The following NAV3 variants were observed in gnomAD, a reference collection of about 807,000 sequenced individuals.
NAV3 encodes the protein pore membrane and/or filament interacting like protein 1.
NAV3 carries 87 observed loss-of-function variants against 244.7 expected under a neutral mutation model. The ratio of observed to expected loss-of-function variants is 0.36; its 90% CI spans 0.30 to 0.42. The LOEUF is 0.42. NAV3 is among the 20% of genes least tolerant of loss of function. The pLI is 1.00. For synonymous variants in NAV3, 1,126 were observed against 1,042.2 expected, an observed-to-expected ratio of 1.08 and a Z score of -1.55; for missense variants, 2,663 against 2,893.3, an observed-to-expected ratio of 0.92 and a Z score of 1.83.
intron 1 of NAV3, among the ~76,000 whole-genome samples, chr12:77,846,973 G>A (rs1380462910): frequency 6.6e-6 from 1 of 152,058 alleles, no homozygotes; most frequent in Non-Finnish European, 1.5e-5. Flanking sequence ...TTCATCATCA[G>A]GAAATTTCCA....
At chr12:78,036,445 G>C (rs1313206151) in intron 9 of NAV3, 3 of 163,012 alleles carry the variant, frequency 1.8e-5, no homozygotes, top group Non-Finnish European at 4.1e-5. Flanking sequence ...AAAAAAAAAA[G>C]CAAAAAGCAA....
intron 2 of NAV3, among the ~76,000 whole-genome samples, chr12:77,740,960 T>C (rs1176611828): frequency 6.6e-6 from 1 of 151,816 alleles, no homozygotes; most frequent in Admixed American, 6.6e-5. Context: ...GTGAGTACTT[T>C]AGCAGAGGTG....
intron 2 of NAV3, among the ~76,000 whole-genome samples, chr12:77,638,039 T>C (rs1361836323): frequency 6.6e-6 from 1 of 152,216 alleles, no homozygotes; most frequent in Non-Finnish European, 1.5e-5. Flanking sequence ...TGCCATCTTA[T>C]TTGTGCACTA....
At chr12:77,655,537 A>G (rs1411981327) in intron 2 of NAV3, among the ~76,000 whole-genome samples, 1 of 152,238 alleles carries the variant, frequency 6.6e-6, no homozygotes, top group Non-Finnish European at 1.5e-5. Flanking sequence ...AATGTGCAGG[A>G]TATTATCCAG....
intron 36 of NAV3, 93 bp downstream of exon 36, chr12:78,198,769 T>G (rs1959271611): frequency 2.3e-6 from 2 of 882,364 alleles, no homozygotes; most frequent in Non-Finnish European, 3.6e-6. Context: ...TCCTGTTTGT[T>G]TTTGTGGTTT....
intron 20 of NAV3, among the ~76,000 whole-genome samples, chr12:78,142,673 A>G (rs533161012): frequency 2.7e-5 from 3 of 109,254 alleles, no homozygotes; most frequent in Non-Finnish European, 5.6e-5. Context: ...ATATATATAC[A>G]TATATATGTG....
intron 2 of NAV3, among the ~76,000 whole-genome samples, chr12:77,754,455 C>T (rs1869023787): frequency 1.3e-5 from 2 of 152,170 alleles, no homozygotes; most frequent in Admixed American, 6.6e-5. Context: ...ACCTTCATTG[C>T]TCCTGAAGGA....
chr12:77,985,216 A>G (rs1347266081), intron 5 of NAV3, among the ~76,000 whole-genome samples: 2 of 152,336 alleles, frequency 1.3e-5, no homozygotes, highest in African/African-American at 4.8e-5. Flanking sequence ...AAATTTTTCC[A>G]AATTAAATCT....
At chr12:77,849,167 T>G (rs1246012100) in intron 1 of NAV3, among the ~76,000 whole-genome samples, 1 of 152,210 alleles carries the variant, frequency 6.6e-6, no homozygotes, top group African/African-American at 2.4e-5. Context: ...AAACTTTCTT[T>G]AATGAGAAAC....
At chr12:77,631,040 G>C (rs1454425778) in intron 2 of NAV3, among the ~76,000 whole-genome samples, 1 of 152,172 alleles carries the variant, frequency 6.6e-6, no homozygotes, top group African/African-American at 2.4e-5. Context: ...ATAAGTTTCT[G>C]TGTTTAAGGA....
intron 2 of NAV3, among the ~76,000 whole-genome samples, chr12:77,674,029 T>A (rs1433357768): frequency 6.7e-6 from 1 of 150,340 alleles, no homozygotes; most frequent in African/African-American, 2.5e-5. Flanking sequence ...GGTCATGAAA[T>A]GAACCATCAT....
chr12:77,872,606 C>T (rs893796522), intron 1 of NAV3, among the ~76,000 whole-genome samples: 1 of 152,018 alleles, frequency 6.6e-6, no homozygotes, highest in African/African-American at 2.4e-5. Context: ...CATGGCAATC[C>T]CAGGGAATCA....
intron 1 of NAV3, among the ~76,000 whole-genome samples, chr12:77,936,157 C>A: frequency 6.6e-6 from 1 of 152,160 alleles, no homozygotes; most frequent in East Asian, 1.9e-4. Context: ...GTGAATTGTT[C>A]CTCAAAGAAT....
intron 1 of NAV3, among the ~76,000 whole-genome samples, chr12:77,918,827 T>A (rs745856956): frequency 3.9e-5 from 6 of 152,062 alleles, no homozygotes; most frequent in Non-Finnish European, 8.8e-5. Context: ...TTCCAGGGTC[T>A]GCTTGTATCA....
At chr12:78,084,167 A>G (rs1245866079) in intron 12 of NAV3, among the ~76,000 whole-genome samples, 1 of 152,198 alleles carries the variant, frequency 6.6e-6, no homozygotes, top group Non-Finnish European at 1.5e-5. Context: ...CAAATAATTC[A>G]CAACTATTCT....
intron 2 of NAV3, among the ~76,000 whole-genome samples, chr12:77,619,657 A>G (rs562314630): frequency 6.5e-4 from 99 of 152,242 alleles, no homozygotes; most frequent in African/African-American, 2.2e-3. Flanking sequence ...TGAAGGGATA[A>G]ATGCCTTTGC....
chr12:77,973,623 G>A (rs927433939), intron 5 of NAV3, among the ~76,000 whole-genome samples: 1 of 152,114 alleles, frequency 6.6e-6, no homozygotes, highest in Non-Finnish European at 1.5e-5. Flanking sequence ...TCTTACCATA[G>A]AGGACATTTG....
In NAV3 at chr12:78,036,789, A is replaced by G. The variant is rs956816376; in HGVS notation, c.2024-13204A>G. On this transcript the variant is annotated intron_variant, in intron 9 of 39. Transcript: ENST00000397909. ...GAAGTGCATGTGATAATCAAAATCA[A>G]ATGGATCAGTTACAATCACAGTGTA... 4 of 603,766 alleles carry G rather than the reference A, an allele frequency of 6.6e-6. No homozygotes were observed. In the Admixed American group the frequency reaches 8.7e-5, roughly 13 times the overall value. 37.4% of individuals were successfully genotyped at this position (603,766 alleles called of 1,614,324 possible).
intron 2 of NAV3, among the ~76,000 whole-genome samples, chr12:77,721,091 A>G (rs1162905126): frequency 1.3e-5 from 2 of 152,136 alleles, no homozygotes; most frequent in African/African-American, 4.8e-5. Context: ...ACCACAGTCC[A>G]TATCTGGACC....
Sources: allele counts gnomAD v4.1 joint callset (sites outside exome capture counted in the v4.1 genomes callset), GRCh38; gene constraint gnomAD v4.1.1; transcripts MANE v1.5; gene names NCBI Gene and HGNC (gene_info 2026-07-23, HGNC 2026-07-21).